The following PEX14 variants were observed in gnomAD, a reference collection of about 807,000 sequenced individuals.
PEX14 encodes peroxisomal biogenesis factor 14.
A neutral mutation model predicts 49.5 loss-of-function variants in PEX14; 15 were observed. The ratio of observed to expected loss-of-function variants is 0.30; its 90% CI spans 0.20 to 0.47. PEX14 has a LOEUF of 0.47. Among genes scored for constraint, PEX14 ranks in the 20% least tolerant of loss-of-function variants. The probability of loss-of-function intolerance (pLI) is 1.00; values close to 1 mark genes in which losing one functional copy is unlikely to be tolerated. For missense variants in PEX14, 398 were observed against 494.8 expected, an observed-to-expected ratio of 0.80 and a Z score of 1.86; for synonymous variants, 210 against 212.7, an observed-to-expected ratio of 0.99 and a Z score of 0.11.
chr1:10,527,301 G>A (rs907763430), intron 2 of PEX14, among the ~76,000 whole-genome samples: 8 of 149,462 alleles, frequency 5.4e-5, no homozygotes, highest in Admixed American at 4.0e-4. Flanking sequence ...GGCAGATCAC[G>A]AGATCAGGAG....
chr1:10,592,875 C>T (rs919976195), intron 3 of PEX14, among the ~76,000 whole-genome samples: 4 of 152,164 alleles, frequency 2.6e-5, no homozygotes, highest in African/African-American at 9.7e-5. Flanking sequence ...CTTCTGGGCT[C>T]GCCTGCTGTT....
At chr1:10,481,391 C>T (rs912868459) in intron 1 of PEX14, among the ~76,000 whole-genome samples, 32 of 152,032 alleles carry the variant, frequency 2.1e-4, no homozygotes, top group Middle Eastern at 3.2e-3. Flanking sequence ...CCACCCACCT[C>T]GGCCTCCCAC....
intron 2 of PEX14, among the ~76,000 whole-genome samples, chr1:10,501,604 A>G (rs1266501240): frequency 6.6e-6 from 1 of 151,712 alleles, no homozygotes; most frequent in African/African-American, 2.4e-5. Context: ...CCCTGCCCCT[A>G]TTAGTTTATT....
rs868529470 is a variant in PEX14, at chr1:10,624,510, G to A, written c.585+73G>A. 12 of 1,033,388 alleles carry A rather than the reference G, an allele frequency of 1.2e-5. No individual in the cohort carries two copies. In the Middle Eastern group the frequency reaches 1.6e-3, roughly 140 times the overall value. 64.0% of individuals were successfully genotyped at this position (1,033,388 alleles called of 1,614,324 possible). ...TGTGCCCTTCACTCTTGTCCCTTGG[G>A]CCGGGCTTGCCACCTTCGGGAGCTG... On this transcript the variant is annotated intron_variant, in intron 7 of 8. Transcript: ENST00000356607.
intron 3 of PEX14, among the ~76,000 whole-genome samples, chr1:10,544,565 A>T (rs1306371180): frequency 6.6e-6 from 1 of 152,100 alleles, no homozygotes. Context: ...CACATATTTA[A>T]TGTGTGGTTT....
At chr1:10,538,188 G>A (rs1484251331) in intron 3 of PEX14, among the ~76,000 whole-genome samples, 2 of 152,258 alleles carry the variant, frequency 1.3e-5, no homozygotes, top group Non-Finnish European at 2.9e-5. Context: ...GAATGAAGCA[G>A]GGAGCCGGGG....
At chr1:10,599,475 G>A (rs1570330262) in intron 4 of PEX14, 109 bp downstream of exon 4, 3 of 1,265,250 alleles carry the variant, frequency 2.4e-6, no homozygotes, top group Non-Finnish European at 3.5e-6. Flanking sequence ...GAAACTGGGA[G>A]CAGCAGAAAG....
intron 2 of PEX14, among the ~76,000 whole-genome samples, chr1:10,534,533 ATGTT>A (rs1219483934): frequency 2.7e-5 from 4 of 150,376 alleles, no homozygotes; most frequent in Admixed American, 2.0e-4. Context: ...AGTGTTGTAG[ATGTT>A]TGTTAGATTT....
intron 2 of PEX14, among the ~76,000 whole-genome samples, chr1:10,527,012 G>A (rs1392203593): frequency 6.6e-6 from 1 of 151,986 alleles, no homozygotes; most frequent in African/African-American, 2.4e-5. Context: ...TTAGGAGTTC[G>A]AGACCCGCCT....
chr1:10,585,428 T>A (rs1232944578), intron 3 of PEX14, among the ~76,000 whole-genome samples: 1 of 152,132 alleles, frequency 6.6e-6, no homozygotes, highest in Non-Finnish European at 1.5e-5. Context: ...GCATTTACAT[T>A]AAATATAAAT....
chr1:10,500,157 CT>C (rs1641646048), intron 2 of PEX14, among the ~76,000 whole-genome samples: 1 of 151,078 alleles, frequency 6.6e-6, no homozygotes, highest in African/African-American at 2.4e-5. Context: ...AATCCCAGCA[CT>C]GTGGGAGGCC....
intron 3 of PEX14, among the ~76,000 whole-genome samples, chr1:10,571,286 G>A (rs1042444285): frequency 6.9e-6 from 1 of 145,502 alleles, no homozygotes; most frequent in African/African-American, 2.6e-5. Flanking sequence ...GTGGAAATGT[G>A]TGTTACTTTT....
At position 10,501,968 on chromosome 1, in the gene PEX14, C is replaced by T. The variant is rs763308249; in HGVS notation, c.84+6647C>T. Among the ~76,000 whole-genome samples the T allele has an allele frequency of 3.9e-5, 6 of 151,940 alleles. No individual in the cohort carries two copies. The East Asian group carries it at 9.7e-4, about 25-fold the overall frequency. The stretch of plus-strand genomic sequence containing the variant: ...TCTACAAAAATTTTGGTGCTTAAAC[C>T]GTTACTAGCAACATATTCATCAGGG... On this transcript the variant is annotated intron_variant, in intron 2 of 8. Coordinates refer to ENST00000356607, the MANE Select transcript of PEX14 (RefSeq NM_004565.3).
At chr1:10,595,552 G>C (rs1039836603) in intron 3 of PEX14, among the ~76,000 whole-genome samples, 10 of 152,202 alleles carry the variant, frequency 6.6e-5, no homozygotes, top group African/African-American at 2.4e-4. Flanking sequence ...GTGGTGTCAG[G>C]TAATGCATAT....
chr1:10,554,545 C>A (rs1368566656), intron 3 of PEX14, among the ~76,000 whole-genome samples: 1 of 152,146 alleles, frequency 6.6e-6, no homozygotes, highest in Non-Finnish European at 1.5e-5. Context: ...TCAGCCTGAT[C>A]TTAGAGCTCT....
At chr1:10,565,309 A>G (rs1639771557) in intron 3 of PEX14, among the ~76,000 whole-genome samples, 1 of 152,178 alleles carries the variant, frequency 6.6e-6, no homozygotes. Flanking sequence ...GTAAAGTGGG[A>G]CTTATGACCT....
At chr1:10,535,733 G>C (rs1041394588) in intron 2 of PEX14, among the ~76,000 whole-genome samples, 1 of 152,190 alleles carries the variant, frequency 6.6e-6, no homozygotes, top group African/African-American at 2.4e-5. Flanking sequence ...GCAAGGCTTC[G>C]AGGAATCAGA....
At chr1:10,563,952 C>T (rs1225756139) in intron 3 of PEX14, among the ~76,000 whole-genome samples, 6 of 151,838 alleles carry the variant, frequency 4.0e-5, no homozygotes, top group Non-Finnish European at 8.8e-5. Context: ...TTTCTGGCTT[C>T]TATTGTCATC....
chr1:10,509,064 G>A (rs1409742001), intron 2 of PEX14, among the ~76,000 whole-genome samples: 1 of 152,138 alleles, frequency 6.6e-6, no homozygotes, highest in Non-Finnish European at 1.5e-5. Flanking sequence ...AGCCTCCCGA[G>A]TAGCTGGGAC....
Sources: gnomAD v4.1 joint callset for allele counts (sites outside exome capture counted in the v4.1 genomes callset) on GRCh38, gnomAD v4.1.1 for gene constraint, MANE v1.5 for transcripts, NCBI Gene and HGNC (gene_info 2026-07-23, HGNC 2026-07-21) for gene names.